QTMAN: variants seen among roughly 807,000 people sequenced by gnomAD.
QTMAN encodes the protein queuosine-tRNA mannosyltransferase, also known as tRNA-queuosine alpha-mannosyltransferase.
At chr2:144,013,841 T>G in the QTMAN span, among the ~76,000 whole-genome samples, 4 of 152,296 alleles carry the variant, frequency 2.6e-5, 1 homozygote, top group South Asian at 8.3e-4. Context: ...AAAATTAACA[T>G]TTTTAGAATC....
chr2:143,952,427 T>G, the QTMAN span, among the ~76,000 whole-genome samples: 1 of 151,514 alleles, frequency 6.6e-6, no homozygotes, highest in Non-Finnish European at 1.5e-5. Context: ...GTTTAAATAA[T>G]TTGGTGTGAC....
chr2:144,102,627 C>G, the QTMAN span, among the ~76,000 whole-genome samples: 1 of 152,138 alleles, frequency 6.6e-6, no homozygotes, highest in Non-Finnish European at 1.5e-5. Flanking sequence ...GGCTTCCAGA[C>G]AGCAGCACAT....
chr2:144,279,595 C>G, the QTMAN span, among the ~76,000 whole-genome samples: 1 of 152,082 alleles, frequency 6.6e-6, no homozygotes, highest in Non-Finnish European at 1.5e-5. Context: ...CAGGTTTGCG[C>G]TGGGGCTTGA....
At chr2:144,057,164 G>A in the QTMAN span, among the ~76,000 whole-genome samples, 1 of 152,200 alleles carries the variant, frequency 6.6e-6, no homozygotes, top group Non-Finnish European at 1.5e-5. Context: ...AAGATAAAAT[G>A]TGTGTATGTT....
chr2:144,096,295 A>G, the QTMAN span, among the ~76,000 whole-genome samples: 2 of 152,204 alleles, frequency 1.3e-5, no homozygotes, highest in Non-Finnish European at 2.9e-5. Context: ...TTGGTCTACA[A>G]TCATATCTAG....
At chr2:143,988,431 C>T in the QTMAN span, among the ~76,000 whole-genome samples, 1 of 152,156 alleles carries the variant, frequency 6.6e-6, no homozygotes, top group African/African-American at 2.4e-5. Flanking sequence ...AAGACATCTT[C>T]CTTGATGCTC....
At chr2:144,296,246 A>G in the QTMAN span, among the ~76,000 whole-genome samples, 1 of 152,222 alleles carries the variant, frequency 6.6e-6, no homozygotes, top group Non-Finnish European at 1.5e-5. Flanking sequence ...GTTGATGAGT[A>G]AACTGTCTCT....
the QTMAN span, among the ~76,000 whole-genome samples, chr2:144,266,894 T>C: frequency 6.6e-6 from 1 of 152,094 alleles, no homozygotes; most frequent in Non-Finnish European, 1.5e-5. Context: ...ATAAAGTACT[T>C]TGGGGAAAAG....
chr2:144,310,366 A>G, the QTMAN span, among the ~76,000 whole-genome samples: 8 of 152,238 alleles, frequency 5.3e-5, no homozygotes, highest in Admixed American at 2.6e-4. Flanking sequence ...AAAGGGGGCA[A>G]TATCATATAC....
At chr2:144,143,968 G>A in the QTMAN span, among the ~76,000 whole-genome samples, 1 of 151,860 alleles carries the variant, frequency 6.6e-6, no homozygotes, top group African/African-American at 2.4e-5. Context: ...AATCTGAACA[G>A]GACTGCCTTT....
At chr2:144,324,522 T>C in the QTMAN span, among the ~76,000 whole-genome samples, 2 of 152,176 alleles carry the variant, frequency 1.3e-5, no homozygotes, top group Non-Finnish European at 2.9e-5. Flanking sequence ...TTGCTGCTCA[T>C]AAATGGCCCA....
the QTMAN span, among the ~76,000 whole-genome samples, chr2:144,111,362 C>A: frequency 6.6e-6 from 1 of 152,156 alleles, no homozygotes; most frequent in African/African-American, 2.4e-5. Context: ...ACCCAACAGG[C>A]CTTTTCCATG....
chr2:144,021,358 G>A, the QTMAN span, among the ~76,000 whole-genome samples: 2 of 152,184 alleles, frequency 1.3e-5, no homozygotes, highest in African/African-American at 4.8e-5. Context: ...TCAATCAAAT[G>A]TGAGGTAGGC....
At chr2:144,247,253 G>A in the QTMAN span, among the ~76,000 whole-genome samples, 1 of 152,284 alleles carries the variant, frequency 6.6e-6, no homozygotes, top group East Asian at 1.9e-4. Context: ...ATTATCTGAT[G>A]CAATTCCCTT....
chr2:143,982,853 CAAAAAAAAAA>C, the QTMAN span, among the ~76,000 whole-genome samples: 2 of 61,042 alleles, frequency 3.3e-5, no homozygotes, highest in Admixed American at 1.8e-4. Context: ...GACTCTGTCT[CAAAAAAAAAA>C]AAAAAAAAAA....
chr2:144,110,410 A>G, the QTMAN span, among the ~76,000 whole-genome samples: 1 of 152,024 alleles, frequency 6.6e-6, no homozygotes, highest in Non-Finnish European at 1.5e-5. Context: ...GGGAGGGGGG[A>G]AGGATAGCAT....
the QTMAN span, among the ~76,000 whole-genome samples, chr2:143,955,302 T>C: frequency 1.3e-5 from 2 of 152,168 alleles, no homozygotes; most frequent in Non-Finnish European, 2.9e-5. Context: ...GCTTTAAGGG[T>C]GTTTTTAATT....
the QTMAN span, among the ~76,000 whole-genome samples, chr2:144,058,906 C>A: frequency 2.0e-5 from 3 of 152,210 alleles, no homozygotes; most frequent in Admixed American, 6.5e-5. Context: ...TCAGTCCAGA[C>A]AATTAGTGCC....
chr2:143,996,933 T>C, the QTMAN span, among the ~76,000 whole-genome samples: 4 of 152,110 alleles, frequency 2.6e-5, no homozygotes, highest in Non-Finnish European at 4.4e-5. Context: ...TTATATAGCA[T>C]GTAGGTGGAG....
Sources: allele counts gnomAD v4.1 joint callset (sites outside exome capture counted in the v4.1 genomes callset), GRCh38; gene constraint gnomAD v4.1.1; transcripts MANE v1.5; gene names NCBI Gene and HGNC (gene_info 2026-07-23, HGNC 2026-07-21).